The following PDZRN4 variants were observed in gnomAD, a reference collection of about 807,000 sequenced individuals.
PDZRN4 encodes the protein PDZ domain-containing RING finger protein 4.
A neutral mutation model predicts 99.0 loss-of-function variants in PDZRN4; 70 were observed. That is an observed-to-expected ratio of 0.71 (90% confidence interval 0.58 to 0.86). The LOEUF is 0.86. Ranked by LOEUF, PDZRN4 falls within the 40% of genes least tolerant of loss-of-function variation. The pLI is 0.00. For missense variants in PDZRN4, 1,474 were observed against 1,331.2 expected, an observed-to-expected ratio of 1.11 and a Z score of -1.67; for synonymous variants, 551 against 501.6, an observed-to-expected ratio of 1.10 and a Z score of -1.32.
intron 3 of PDZRN4, among the ~76,000 whole-genome samples, chr12:41,230,923 A>G (rs572299239): frequency 3.6e-4 from 55 of 152,226 alleles, no homozygotes; most frequent in African/African-American, 1.2e-3. Flanking sequence ...CACATTCAAA[A>G]ATAACAATAT....
At chr12:41,371,356 A>G (rs1952039888) in intron 3 of PDZRN4, among the ~76,000 whole-genome samples, 1 of 151,830 alleles carries the variant, frequency 6.6e-6, no homozygotes, top group Admixed American at 6.6e-5. Flanking sequence ...TTATTGTTTC[A>G]TTGTTTTCCT....
intron 3 of PDZRN4, among the ~76,000 whole-genome samples, chr12:41,307,384 A>G (rs987795974): frequency 6.6e-6 from 1 of 152,150 alleles, no homozygotes; most frequent in African/African-American, 2.4e-5. Context: ...ATGAGTGCTC[A>G]GGGCAAAAGA....
intron 2 of PDZRN4, among the ~76,000 whole-genome samples, chr12:41,192,345 C>T (rs536808063): frequency 6.6e-6 from 1 of 152,202 alleles, no homozygotes; most frequent in East Asian, 1.9e-4. Flanking sequence ...AAGTGATCCA[C>T]CTCCCTCACC....
At chr12:41,547,088 A>C (rs751966951) in intron 5 of PDZRN4, among the ~76,000 whole-genome samples, 3 of 152,244 alleles carry the variant, frequency 2.0e-5, no homozygotes, top group Non-Finnish European at 4.4e-5. Flanking sequence ...ATTCTTCCAA[A>C]GGTAAACCAC....
chr12:41,442,131 T>C (rs1170835460), intron 3 of PDZRN4, among the ~76,000 whole-genome samples: 14 of 152,168 alleles, frequency 9.2e-5, no homozygotes, highest in Admixed American at 9.2e-4. Flanking sequence ...TCTAGGTTTC[T>C]TTCCAATTGT....
chr12:41,481,330 A>G (rs149565062), intron 3 of PDZRN4, among the ~76,000 whole-genome samples: 9 of 151,924 alleles, frequency 5.9e-5, no homozygotes, highest in African/African-American at 2.2e-4. Context: ...CTTCCTTCCA[A>G]CCTAGCCTAA....
At chr12:41,514,816 T>C (rs1249517116) in intron 5 of PDZRN4, among the ~76,000 whole-genome samples, 1 of 152,064 alleles carries the variant, frequency 6.6e-6, no homozygotes, top group Non-Finnish European at 1.5e-5. Context: ...AGTCAGGAGT[T>C]TTAATCCTAA....
intron 3 of PDZRN4, among the ~76,000 whole-genome samples, chr12:41,263,635 C>T (rs762888194): frequency 6.6e-6 from 1 of 151,792 alleles, no homozygotes; most frequent in Non-Finnish European, 1.5e-5. Flanking sequence ...TGCAGTGAGC[C>T]GAGATCCCAC....
chr12:41,574,140 A>G lies in PDZRN4; in HGVS notation c.*250A>G, dbSNP rs551079979. 2.9e-4 allele frequency: 85 copies of G among 288,962 alleles called. No individual in the cohort carries two copies. The East Asian group carries it at 5.0e-3, about 17-fold the overall frequency. 17.9% of individuals were successfully genotyped at this position (288,962 alleles called of 1,614,324 possible). On this transcript the variant is annotated 3_prime_UTR_variant, in exon 10 of 10. Transcript: ENST00000402685. ...CTCGTTTATAAAAAATCAAAAACAA[A>G]AGGAAAGAAAACAAAAAAAACTTGC...
At chr12:41,489,994 A>C (rs1276378933) in intron 3 of PDZRN4, among the ~76,000 whole-genome samples, 4 of 151,282 alleles carry the variant, frequency 2.6e-5, no homozygotes, top group African/African-American at 9.8e-5. Flanking sequence ...GTGATTAATT[A>C]ACTGATCTGG....
intron 3 of PDZRN4, among the ~76,000 whole-genome samples, chr12:41,382,875 G>T (rs2121104594): frequency 6.6e-6 from 1 of 152,268 alleles, no homozygotes; most frequent in East Asian, 1.9e-4. Context: ...GCTAACAAAT[G>T]CATTATACTG....
At chr12:41,376,592 A>G (rs1952082645) in intron 3 of PDZRN4, among the ~76,000 whole-genome samples, 2 of 152,176 alleles carry the variant, frequency 1.3e-5, no homozygotes, top group Non-Finnish European at 1.5e-5. Context: ...CTTTTATTCT[A>G]TTGAGTTGTA....
chr12:41,520,124 G>A (rs375598214), intron 5 of PDZRN4, among the ~76,000 whole-genome samples: 4 of 152,128 alleles, frequency 2.6e-5, no homozygotes, highest in Non-Finnish European at 5.9e-5. Flanking sequence ...ATTTCATGAC[G>A]GAGGTAGAAA....
At chr12:41,470,624 T>C (rs2120566513) in intron 3 of PDZRN4, among the ~76,000 whole-genome samples, 1 of 152,228 alleles carries the variant, frequency 6.6e-6, no homozygotes, top group Non-Finnish European at 1.5e-5. Context: ...TAGCATTAGG[T>C]TTATCTCCTA....
At chr12:41,212,904 T>C (rs1295810753) in intron 3 of PDZRN4, among the ~76,000 whole-genome samples, 2 of 151,926 alleles carry the variant, frequency 1.3e-5, no homozygotes, top group Non-Finnish European at 2.9e-5. Context: ...GGAAAAGGCT[T>C]AGTGTATTAT....
intron 3 of PDZRN4, among the ~76,000 whole-genome samples, chr12:41,442,323 A>G (rs1228632535): frequency 1.3e-5 from 2 of 151,984 alleles, no homozygotes; most frequent in Non-Finnish European, 2.9e-5. Flanking sequence ...TAGTTATTCA[A>G]ATGTCTCCTT....
At chr12:41,549,835 T>A (rs17129456) in intron 5 of PDZRN4, among the ~76,000 whole-genome samples, 17,505 of 152,082 alleles carry the variant, frequency 0.12, 1,130 homozygotes, top group South Asian at 0.22. Flanking sequence ...AAATGGCAAA[T>A]CTATAATACT....
Position 41,573,727 on chromosome 12 carries a change from A to G in PDZRN4, c.2948A>G (p.Lys983Arg), listed in dbSNP as rs370694115. 1.4e-4 allele frequency: 228 copies of G among 1,613,778 alleles called. No individual in the cohort carries two copies. The highest frequency in any genetic ancestry group is 1.8e-4 in the Non-Finnish European group (213 of 1,179,954). The change falls in exon 10 of 10, where the codon AAG (lysine) becomes AGG (arginine). Residue 983 changes from lysine to arginine, a missense_variant. Coordinates refer to ENST00000402685, the MANE Select transcript of PDZRN4 (RefSeq NM_001164595.2). Reference protein sequence around the residue: ...ESPQSGSEGKKEINIIELSHK... With the variant: ...ESPQSGSEGKREINIIELSHK... ...CCTCAGAGCGGCAGTGAGGGCAAGA[A>G]GGAGATCAATATCATTGAACTGAGT...
At chr12:41,195,123 T>C (rs1018503181) in intron 3 of PDZRN4, among the ~76,000 whole-genome samples, 2 of 152,184 alleles carry the variant, frequency 1.3e-5, no homozygotes, top group Non-Finnish European at 1.5e-5. Flanking sequence ...TAAAATTGGG[T>C]TATGTTAATG....
Sources: allele counts gnomAD v4.1 joint callset (sites outside exome capture counted in the v4.1 genomes callset), GRCh38; gene constraint gnomAD v4.1.1; transcripts MANE v1.5; gene names NCBI Gene and HGNC (gene_info 2026-07-23, HGNC 2026-07-21).